SLC25A21: variants seen among roughly 807,000 people sequenced by gnomAD.
SLC25A21 encodes the protein mitochondrial 2-oxodicarboxylate carrier.
SLC25A21 carries 47 observed loss-of-function variants against 43.8 expected under a neutral mutation model. That is an observed-to-expected ratio of 1.07 (90% CI 0.85 to 1.37). The LOEUF (loss-of-function observed/expected upper bound fraction) is 1.37, where lower values mean the gene tolerates loss of function less well. Ranked by LOEUF, SLC25A21 falls within the 40% of genes most tolerant of loss-of-function variation. The pLI is 0.00. For synonymous variants in SLC25A21, 131 were observed against 121.3 expected (o/e 1.08, Z -0.52); for missense variants, 352 against 350.2 (o/e 1.00, Z -0.04).
intron 1 of SLC25A21, among the ~76,000 whole-genome samples, chr14:37,135,110 T>C (rs35130743): frequency 0.21 from 31,911 of 151,970 alleles, 3,806 homozygotes; most frequent in South Asian, 0.3. Context: ...GTACTTTTAG[T>C]AGAGAAGGGG....
intron 1 of SLC25A21, among the ~76,000 whole-genome samples, chr14:36,941,351 GAGTA>G (rs1462626930): frequency 6.6e-6 from 1 of 152,032 alleles, no homozygotes; most frequent in African/African-American, 2.4e-5. Context: ...ATTGTATAGA[GAGTA>G]TTTTGACTTA....
In SLC25A21 at chr14:36,680,617, A is replaced by G; in HGVS notation, c.*41T>C. ...CTCTTCTTCATGGTGCTGCATAGCA[A>G]ATATCCATTATCTCAAGGGGGAAAA... is the stretch of plus-strand genomic sequence containing the variant. On this transcript the variant is annotated 3_prime_UTR_variant, in exon 10 of 10. Transcript: ENST00000331299. 1 of 1,607,972 alleles carries G rather than the reference A, an allele frequency of 6.2e-7. No individual in the cohort carries two copies. Among genetic ancestry groups the G allele is most frequent in the Non-Finnish European group, 8.5e-7 (1 of 1,177,222 alleles).
chr14:37,128,577 T>TGTGTGTGTGTGTGTGC (rs1024661078), intron 1 of SLC25A21, among the ~76,000 whole-genome samples: 7 of 149,166 alleles, frequency 4.7e-5, no homozygotes, highest in African/African-American at 1.8e-4. Flanking sequence ...TGTGTGTGTG[T>TGTGTGTGTGTGTGTGC]GCATTTTGCT....
At position 36,985,811 on chromosome 14, in the gene SLC25A21, T is replaced by A. The variant is rs566038296; in HGVS notation, c.71-110807A>T. On this transcript the variant is annotated intron_variant, in intron 1 of 9. Transcript: ENST00000331299. ...TTATCTCCATGTATTTATTCACTTA[T>A]TTGTATCAGAGAGAACTCAACAACT... is the stretch of plus-strand genomic sequence containing the variant. 3.3e-5 allele frequency among the ~76,000 whole-genome samples: 5 copies of A among 152,344 alleles called. No homozygotes were observed. The South Asian group carries it at 1.0e-3, about 32-fold the overall frequency.
intron 1 of SLC25A21, 66 bp from the exon 2 acceptor site, chr14:36,875,070 C>A (rs712384): frequency 7.5e-7 from 1 of 1,341,702 alleles, no homozygotes. Flanking sequence ...TCCTTGATCC[C>A]GTCGATTTCT....
At chr14:36,813,549 ATC>A (rs1369509251) in intron 3 of SLC25A21, among the ~76,000 whole-genome samples, 3 of 152,056 alleles carry the variant, frequency 2.0e-5, no homozygotes, top group Admixed American at 6.6e-5. Flanking sequence ...TTTGATACAG[ATC>A]TGTTTTATTT....
intron 1 of SLC25A21, among the ~76,000 whole-genome samples, chr14:36,963,376 C>A (rs1959541036): frequency 6.6e-6 from 1 of 151,986 alleles, no homozygotes; most frequent in Non-Finnish European, 1.5e-5. Context: ...AGCATGTTAG[C>A]AAAGAAGGTA....
chr14:36,773,176 T>C (rs1482796407), intron 3 of SLC25A21, among the ~76,000 whole-genome samples: 1 of 136,990 alleles, frequency 7.3e-6, no homozygotes, highest in Non-Finnish European at 1.7e-5. Context: ...CGATGACAGA[T>C]TTCGAGAAGG....
intron 3 of SLC25A21, among the ~76,000 whole-genome samples, chr14:36,747,596 C>A (rs1414750566): frequency 6.6e-6 from 1 of 152,152 alleles, no homozygotes; most frequent in East Asian, 1.9e-4. Context: ...GGAATTCACA[C>A]CCTGTTGTGG....
At chr14:37,045,728 C>T (rs1961573204) in intron 1 of SLC25A21, among the ~76,000 whole-genome samples, 1 of 152,170 alleles carries the variant, frequency 6.6e-6, no homozygotes, top group Non-Finnish European at 1.5e-5. Flanking sequence ...TAGCACCTGA[C>T]AAGGAATTAG....
chr14:37,078,856 T>C (rs965631728), intron 1 of SLC25A21, among the ~76,000 whole-genome samples: 3 of 151,262 alleles, frequency 2.0e-5, no homozygotes, highest in African/African-American at 7.3e-5. Flanking sequence ...TTTTTTTTTC[T>C]CTTTGCATGT....
At chr14:36,790,544 T>C (rs921420600) in intron 3 of SLC25A21, among the ~76,000 whole-genome samples, 4 of 152,298 alleles carry the variant, frequency 2.6e-5, no homozygotes, top group Middle Eastern at 6.8e-3. Flanking sequence ...CTATATTGGA[T>C]AAATACTCAA....
intron 3 of SLC25A21, among the ~76,000 whole-genome samples, chr14:36,779,843 T>C (rs1886987198): frequency 6.6e-6 from 1 of 151,638 alleles, no homozygotes; most frequent in Non-Finnish European, 1.5e-5. Context: ...CCATGGTAGT[T>C]CTATTTTGAA....
At chr14:37,094,703 C>T (rs1227360882) in intron 1 of SLC25A21, among the ~76,000 whole-genome samples, 2 of 149,466 alleles carry the variant, frequency 1.3e-5, no homozygotes, top group Non-Finnish European at 3.0e-5. Flanking sequence ...GTCCATTTTA[C>T]AGGGTGCTCA....
At chr14:36,943,451 CA>C (rs1892613354) in intron 1 of SLC25A21, among the ~76,000 whole-genome samples, 2 of 152,152 alleles carry the variant, frequency 1.3e-5, no homozygotes, top group African/African-American at 4.8e-5. Flanking sequence ...CTTGGCCTCC[CA>C]AAAGTGCTGG....
intron 1 of SLC25A21, among the ~76,000 whole-genome samples, chr14:37,161,877 G>T (rs557377906): frequency 2.0e-5 from 3 of 150,056 alleles, no homozygotes; most frequent in Non-Finnish European, 4.4e-5. Context: ...GCAGGAGAAC[G>T]GCGTGAACCC....
rs1364809152 is a variant in SLC25A21, at chr14:36,679,395, G to A, written c.*1263C>T. ...ATCTTTTACTTTTTATTTTCAAAAT[G>A]CTTTAGTGAAATAGCCCCGTAGTAG... On this transcript the variant is annotated 3_prime_UTR_variant, in exon 10 of 10. Coordinates refer to ENST00000331299, the MANE Select transcript of SLC25A21 (RefSeq NM_030631.4). 1.0e-6 allele frequency: 1 copy of A among 980,414 alleles called. No homozygotes were observed. Among genetic ancestry groups the A allele is most frequent in the Non-Finnish European group, 1.2e-6 (1 of 825,680 alleles). 60.7% of individuals were successfully genotyped at this position (980,414 alleles called of 1,614,324 possible). A position where few individuals can be genotyped will look rare whatever the true frequency, so the allele number is the denominator to read the frequency against.
intron 2 of SLC25A21, among the ~76,000 whole-genome samples, chr14:36,836,312 C>G (rs60696719): frequency 0.094 from 14,256 of 152,236 alleles, 1,021 homozygotes; most frequent in East Asian, 0.3. Context: ...TACAACCCAA[C>G]ATGGTTCAAA....
intron 1 of SLC25A21, among the ~76,000 whole-genome samples, chr14:37,168,621 T>G (rs1268000430): frequency 6.6e-6 from 1 of 151,982 alleles, no homozygotes; most frequent in Non-Finnish European, 1.5e-5. Flanking sequence ...ATTTTTAGTC[T>G]TTCCCCAGGA....
Sources: gnomAD v4.1 joint callset for allele counts (sites outside exome capture counted in the v4.1 genomes callset) on GRCh38, gnomAD v4.1.1 for gene constraint, MANE v1.5 for transcripts, NCBI Gene and HGNC (gene_info 2026-07-23, HGNC 2026-07-21) for gene names.